TMEM245: variants seen among roughly 807,000 people sequenced by gnomAD.
The protein encoded by TMEM245 is transmembrane protein 245.
A neutral mutation model predicts 101.2 loss-of-function variants in TMEM245; 69 were observed. The observed-to-expected ratio is 0.68, with a 90% CI of 0.56 to 0.83. TMEM245 has a LOEUF of 0.83. Ranked by LOEUF, TMEM245 falls within the 40% of genes least tolerant of loss-of-function variation. The pLI, the probability that TMEM245 is intolerant of heterozygous loss-of-function variation, is 0.00. For synonymous variants in TMEM245, 537 were observed against 449.8 expected (o/e 1.19, Z -2.45); for missense variants, 1,075 against 1,092.8 (o/e 0.98, Z 0.23).
intron 17 of TMEM245, among the ~76,000 whole-genome samples, chr9:109,025,478 G>A (rs1237728028): frequency 6.6e-6 from 1 of 152,204 alleles, no homozygotes; most frequent in Non-Finnish European, 1.5e-5. Context: ...CTTCCCTAGA[G>A]AAAGATAAAG....
chr9:109,059,548 G>GGCAT (rs1317942768), intron 11 of TMEM245, among the ~76,000 whole-genome samples: 1 of 152,064 alleles, frequency 6.6e-6, no homozygotes, highest in Non-Finnish European at 1.5e-5. Flanking sequence ...CAGGCATGGT[G>GGCAT]GCATGCACCT....
chr9:109,065,851 TA>T (rs2132457122), intron 9 of TMEM245, among the ~76,000 whole-genome samples: 1 of 152,160 alleles, frequency 6.6e-6, no homozygotes, highest in East Asian at 1.9e-4. Context: ...TGACACATCC[TA>T]CAAACCTAAC....
intron 17 of TMEM245, 107 bp downstream of exon 17, chr9:109,033,200 C>G: frequency 8.1e-7 from 1 of 1,237,870 alleles, no homozygotes; most frequent in East Asian, 2.5e-5. Flanking sequence ...AGCATTGGTA[C>G]TCAAATACCT....
At chr9:109,108,633 C>A in intron 1 of TMEM245, 63 bp from the exon 2 acceptor site, 1 of 1,230,318 alleles carries the variant, frequency 8.1e-7, no homozygotes, top group South Asian at 1.4e-5. Context: ...TACAATTATA[C>A]AAAATCTGTA....
At chr9:109,023,401 G>A (rs976358778) in intron 17 of TMEM245, among the ~76,000 whole-genome samples, 3 of 152,138 alleles carry the variant, frequency 2.0e-5, no homozygotes, top group Non-Finnish European at 4.4e-5. Context: ...AACTCTCTAC[G>A]TTAGAAACAA....
Position 109,087,345 on chromosome 9 carries a change from A to C in TMEM245, c.1151-3T>G. On this transcript the variant is annotated splice_region_variant and splice_polypyrimidine_tract_variant and intron_variant, in intron 5 of 17. Coordinates refer to ENST00000374586, the MANE Select transcript of TMEM245 (RefSeq NM_032012.4). ...GACAAGCTTTTTGAGTATCCAGACTAAAAAAAGACAAAAAATACATATATA... is the reference window on the plus strand; with the variant it reads ...GACAAGCTTTTTGAGTATCCAGACTCAAAAAAGACAAAAAATACATATATA... 1 of 1,580,966 alleles carries C rather than the reference A, an allele frequency of 6.3e-7. No individual in the cohort carries two copies. The highest frequency in any genetic ancestry group is 8.6e-7 in the Non-Finnish European group (1 of 1,169,268).
intron 8 of TMEM245, among the ~76,000 whole-genome samples, chr9:109,075,950 C>T (rs558199961): frequency 7.2e-5 from 11 of 152,162 alleles, no homozygotes; most frequent in Admixed American, 1.3e-4. Flanking sequence ...ACTGATTTTC[C>T]TTTTTCAAAT....
intron 2 of TMEM245, 35 bp downstream of exon 2, chr9:109,108,418 C>G: frequency 1.1e-6 from 1 of 937,152 alleles, no homozygotes; most frequent in Non-Finnish European, 1.5e-6. Context: ...TTAGGCTAGA[C>G]TTAAAAAAAA....
At chr9:109,036,008 A>C (rs520323) in intron 16 of TMEM245, 198 bp downstream of exon 16, 22,470 of 225,398 alleles carry the variant, frequency 0.1, 1,268 homozygotes, top group South Asian at 0.25. Flanking sequence ...AAAAAAAAAA[A>C]CCCCAAAATA....
chr9:109,081,283 C>T (rs995091940), intron 7 of TMEM245, among the ~76,000 whole-genome samples: 1 of 152,080 alleles, frequency 6.6e-6, no homozygotes, highest in African/African-American at 2.4e-5. Context: ...AATCCATTAG[C>T]TGACCTAAAA....
At chr9:109,086,114 T>C (rs958085926) in intron 6 of TMEM245, 94 bp from the exon 7 acceptor site, 10 of 1,390,260 alleles carry the variant, frequency 7.2e-6, no homozygotes, top group Non-Finnish European at 1.0e-5. Flanking sequence ...AAGGAAAGCA[T>C]GAGAAGGAAA....
intron 8 of TMEM245, among the ~76,000 whole-genome samples, chr9:109,078,939 T>A (rs896626062): frequency 6.6e-6 from 1 of 152,180 alleles, no homozygotes; most frequent in African/African-American, 2.4e-5. Context: ...TCATCTCCAA[T>A]TGGACTTGAC....
At chr9:109,073,334 T>C (rs11792149) in intron 9 of TMEM245, 22 bp downstream of exon 9, 196,444 of 1,585,626 alleles carry the variant, frequency 0.12, 13,294 homozygotes, top group African/African-American at 0.19. Flanking sequence ...ATCTCTCTTC[T>C]TTTTCAAAAC....
At chr9:109,106,682 G>T in intron 2 of TMEM245, 73 bp from the exon 3 acceptor site, 1 of 1,125,838 alleles carries the variant, frequency 8.9e-7, no homozygotes, top group Non-Finnish European at 1.3e-6. Context: ...ACTCAGTTTT[G>T]TAGTTTGACA....
chr9:109,022,942 A>T (rs1309977368), intron 17 of TMEM245, among the ~76,000 whole-genome samples: 1 of 152,222 alleles, frequency 6.6e-6, no homozygotes, highest in Non-Finnish European at 1.5e-5. Context: ...ATGAATGAAG[A>T]TTTCAGCCTC....
At chr9:109,079,895 T>G (rs1023161662) in intron 8 of TMEM245, among the ~76,000 whole-genome samples, 4 of 152,120 alleles carry the variant, frequency 2.6e-5, no homozygotes, top group Admixed American at 6.6e-5. Flanking sequence ...TATACGTGAC[T>G]ATACATAATT....
chr9:109,044,286 T>C (rs1369654084), intron 14 of TMEM245, among the ~76,000 whole-genome samples: 1 of 152,200 alleles, frequency 6.6e-6, no homozygotes, highest in Non-Finnish European at 1.5e-5. Flanking sequence ...CTGCTTTTAA[T>C]GGAATGATAT....
chr9:109,098,593 T>C (rs1342685213), intron 3 of TMEM245, among the ~76,000 whole-genome samples: 1 of 149,482 alleles, frequency 6.7e-6, no homozygotes, highest in Non-Finnish European at 1.5e-5. Flanking sequence ...GGCAGGGAGA[T>C]GATAAACTGA....
chr9:109,054,824 T>C (rs1433077805), intron 12 of TMEM245, among the ~76,000 whole-genome samples: 1 of 152,212 alleles, frequency 6.6e-6, no homozygotes. Flanking sequence ...GAGCCTGTTT[T>C]TTTGTTATTA....
Sources: gnomAD v4.1 joint callset for allele counts (sites outside exome capture counted in the v4.1 genomes callset) on GRCh38, gnomAD v4.1.1 for gene constraint, MANE v1.5 for transcripts, NCBI Gene and HGNC (gene_info 2026-07-23, HGNC 2026-07-21) for gene names.